Variants in PRRC2C observed in about 807,000 individuals in gnomAD.
PRRC2C encodes proline rich coiled-coil 2C.
PRRC2C carries 72 observed loss-of-function variants against 317.2 expected under a neutral mutation model. The observed-to-expected ratio is 0.23, with a 90% confidence interval of 0.19 to 0.28. PRRC2C has a LOEUF of 0.28. Among genes scored for constraint, PRRC2C ranks in the 10% least tolerant of loss-of-function variants. The probability of loss-of-function intolerance (pLI) is 1.00; values close to 1 mark genes in which losing one functional copy is unlikely to be tolerated. For missense variants in PRRC2C, 3,074 were observed against 3,459.7 expected, an observed-to-expected ratio of 0.89 and a Z score of 2.80; for synonymous variants, 1,296 against 1,205.9, an observed-to-expected ratio of 1.07 and a Z score of -1.55.
chr1:171,537,243 T>C lies in PRRC2C; in HGVS notation c.2294-20T>C. On this transcript the variant is annotated intron_variant, in intron 14 of 34. Transcript: ENST00000647382. ...TTTTTCAAAATCCTCATTTCACCTT[T>C]TTCTGAACTTTTGTTACAGGAATGA... 6.5e-7 allele frequency: 1 copy of C among 1,545,166 alleles called. No individual in the cohort carries two copies. The highest frequency in any genetic ancestry group is 8.8e-7 in the Non-Finnish European group (1 of 1,135,344).
chr1:171,532,483 T>G lies in PRRC2C; in HGVS notation c.1395T>G (p.Arg465=). 1 of 1,612,806 alleles carries G rather than the reference T, an allele frequency of 6.2e-7. No individual in the cohort carries two copies. The highest frequency in any genetic ancestry group is 8.5e-7 in the Non-Finnish European group (1 of 1,179,452). Residue 465 remains arginine, a synonymous_variant, in exon 12 of 35, where the codon CGT becomes CGG. Coordinates refer to ENST00000647382, the MANE Select transcript of PRRC2C (RefSeq NM_001387844.1). ...SEISAAVERA[R]KRREEEERRM... ...TTTCTGCAGCAGTAGAACGTGCTCG[T>G]AAACGGCGTGAAGAGGAAGAGCGAA...
At chr1:171,546,789 A>T (rs915975962) in intron 17 of PRRC2C, among the ~76,000 whole-genome samples, 2 of 151,794 alleles carry the variant, frequency 1.3e-5, no homozygotes, top group Admixed American at 6.6e-5. Flanking sequence ...TATTATTATT[A>T]TTTTTGTTTG....
chr1:171,522,108 A>C, intron 6 of PRRC2C, 69 bp from the exon 7 acceptor site: 1 of 674,260 alleles, frequency 1.5e-6, no homozygotes, highest in Non-Finnish European at 2.3e-6. Flanking sequence ...TCAGATTTAT[A>C]TATATATATA....
At chr1:171,492,550 A>G (rs1341561378) in intron 1 of PRRC2C, among the ~76,000 whole-genome samples, 1 of 151,968 alleles carries the variant, frequency 6.6e-6, no homozygotes, top group Non-Finnish European at 1.5e-5. Flanking sequence ...TTCAGCATCA[A>G]TAGGGTGTCC....
chr1:171,543,311 A>G (rs1438825558), intron 16 of PRRC2C, among the ~76,000 whole-genome samples: 1 of 150,278 alleles, frequency 6.7e-6, no homozygotes, highest in Non-Finnish European at 1.5e-5. Context: ...CCACAGAGCG[A>G]GACTCCGTCT....
Position 171,545,502 on chromosome 1 carries a change from G to A in PRRC2C, c.4787G>A (p.Gly1596Asp), listed in dbSNP as rs867917276. The stretch of plus-strand genomic sequence containing the variant: ...AGGCCATTTGATGACCAGCCTGCAG[G>A]CACAACTGGGGTTGACCTCATCAAT... ...KRGPFDDQPAGTTGVDLINGS... is the reference protein window; with the variant it reads ...KRGPFDDQPADTTGVDLINGS... Residue 1596 changes from glycine to aspartate, a missense_variant, in exon 17 of 35, where the codon GGC (glycine) becomes GAC (aspartate). Transcript: ENST00000647382. 1 of 1,574,348 alleles carries A rather than the reference G, an allele frequency of 6.4e-7. No homozygotes were observed. The highest frequency in any genetic ancestry group is 8.6e-7 in the Non-Finnish European group (1 of 1,159,376).
At chr1:171,552,035 C>T (rs138573311) in intron 18 of PRRC2C, among the ~76,000 whole-genome samples, 4,056 of 152,276 alleles carry the variant, frequency 0.027, 189 homozygotes, top group African/African-American at 0.094. Flanking sequence ...GGCATTGAAT[C>T]TGTAAATTAC....
chr1:171,579,794 A>G (rs749394717), intron 27 of PRRC2C, 34 bp from the exon 28 acceptor site: 3 of 1,501,868 alleles, frequency 2.0e-6, no homozygotes, highest in African/African-American at 2.8e-5. Context: ...TGATGTTGAT[A>G]TATATGTTTA....
At chr1:171,578,219 G>T (rs1647627015) in intron 26 of PRRC2C, among the ~76,000 whole-genome samples, 1 of 151,782 alleles carries the variant, frequency 6.6e-6, no homozygotes, top group Non-Finnish European at 1.5e-5. Flanking sequence ...ATTAAGTAAG[G>T]GTATTCATTG....
intron 1 of PRRC2C, among the ~76,000 whole-genome samples, chr1:171,506,687 TTGTG>T (rs34060083): frequency 5.3e-4 from 73 of 136,652 alleles, no homozygotes; most frequent in Admixed American, 1.6e-3. Context: ...TTTTTTTTCT[TTGTG>T]TGTGTGTGTG....
chr1:171,527,613 A>G (rs10913176), intron 10 of PRRC2C, among the ~76,000 whole-genome samples, 178 bp from the exon 11 acceptor site: 122,652 of 151,882 alleles, frequency 0.81, 49,654 homozygotes, highest in Middle Eastern at 0.9. Context: ...AAAATTACCC[A>G]GTTGTGGTGG....
chr1:171,521,237 GT>G (rs1353635505), intron 6 of PRRC2C, among the ~76,000 whole-genome samples: 5 of 152,086 alleles, frequency 3.3e-5, no homozygotes, highest in African/African-American at 4.8e-5. Context: ...TATAAATTAT[GT>G]TTTTACAGTA....
intron 18 of PRRC2C, among the ~76,000 whole-genome samples, chr1:171,551,673 T>C (rs1010502009): frequency 6.6e-6 from 1 of 152,222 alleles, no homozygotes; most frequent in Non-Finnish European, 1.5e-5. Context: ...TTCAGCTTTC[T>C]ACATATGGCT....
chr1:171,549,113 C>T (rs1247129874), intron 17 of PRRC2C, among the ~76,000 whole-genome samples: 1 of 152,204 alleles, frequency 6.6e-6, no homozygotes, highest in African/African-American at 2.4e-5. Context: ...AAAACAGAGA[C>T]ATTAAGAGTC....
At chr1:171,487,390 A>G (rs1316685948) in intron 1 of PRRC2C, among the ~76,000 whole-genome samples, 2 of 152,208 alleles carry the variant, frequency 1.3e-5, no homozygotes, top group South Asian at 2.1e-4. Flanking sequence ...CAGTAACTAA[A>G]TAAGATAAAG....
chr1:171,591,450 A>G (rs1437344012), intron 34 of PRRC2C, 137 bp from the exon 35 acceptor site: 6 of 954,060 alleles, frequency 6.3e-6, no homozygotes, highest in Admixed American at 2.9e-5. Context: ...TCAAAGATCA[A>G]TGAGGTACTT....
At chr1:171,528,369 A>G (rs373209435) in intron 11 of PRRC2C, among the ~76,000 whole-genome samples, 3 of 150,330 alleles carry the variant, frequency 2.0e-5, no homozygotes, top group East Asian at 3.9e-4. Context: ...GCTCACTGCA[A>G]CCTCTGCCTC....
In PRRC2C at chr1:171,587,820, C is replaced by G. The variant is rs937140104; in HGVS notation, c.8072+69C>G. ...CACTATTTGTTAAATACTTATCAGT[C>G]CTGTGTGACATAATCCCTTTTCCAA... On this transcript the variant is annotated intron_variant, in intron 32 of 34. Coordinates refer to ENST00000647382, the MANE Select transcript of PRRC2C (RefSeq NM_001387844.1). 3.0e-6 allele frequency: 3 copies of G among 1,002,074 alleles called. No homozygotes were observed. The African/African-American group carries it at 4.8e-5, about 16-fold the overall frequency. The allele number at this position is 1,002,074 out of a possible 1,614,324, so 62.1% of individuals were successfully genotyped here.
intron 24 of PRRC2C, among the ~76,000 whole-genome samples, chr1:171,572,492 C>T (rs2102764144): frequency 6.6e-6 from 1 of 152,192 alleles, no homozygotes; most frequent in South Asian, 2.1e-4. Flanking sequence ...ACTTTTGTCC[C>T]CTTATCTTTT....
Sources: gnomAD v4.1 joint callset for allele counts (sites outside exome capture counted in the v4.1 genomes callset) on GRCh38, gnomAD v4.1.1 for gene constraint, MANE v1.5 for transcripts, NCBI Gene and HGNC (gene_info 2026-07-23, HGNC 2026-07-21) for gene names.